Variants in FGF14 observed in about 807,000 individuals in gnomAD.
FGF14 encodes the protein fibroblast growth factor homologous factor 4.
A neutral mutation model predicts 25.5 loss-of-function variants in FGF14; 5 were observed. The observed-to-expected ratio is 0.20, with a 90% confidence interval of 0.10 to 0.41. The LOEUF (loss-of-function observed/expected upper bound fraction) is 0.41, where lower values mean the gene tolerates loss of function less well. FGF14 is among the 10% of genes least tolerant of loss of function. The pLI, the probability that FGF14 is intolerant of heterozygous loss-of-function variation, is 1.00. For missense variants in FGF14, 222 were observed against 320.1 expected, an observed-to-expected ratio of 0.69 and a Z score of 2.34; for synonymous variants, 138 against 118.3, an observed-to-expected ratio of 1.17 and a Z score of -1.08.
At chr13:101,822,092 G>A (rs1351370944) in intron 3 of FGF14, among the ~76,000 whole-genome samples, 1 of 152,090 alleles carries the variant, frequency 6.6e-6, no homozygotes, top group Non-Finnish European at 1.5e-5. Flanking sequence ...TCTGATCATT[G>A]AGATAGTCAT....
intron 1 of FGF14, among the ~76,000 whole-genome samples, chr13:102,153,733 C>T (rs748729132): frequency 2.0e-5 from 3 of 152,120 alleles, no homozygotes; most frequent in Admixed American, 6.5e-5. Context: ...CTCTGGTAAC[C>T]ACCATTCTAC....
At chr13:102,094,664 T>C (rs1239879921) in intron 1 of FGF14, among the ~76,000 whole-genome samples, 1 of 152,118 alleles carries the variant, frequency 6.6e-6, no homozygotes, top group Non-Finnish European at 1.5e-5. Context: ...CTCCCAAGCC[T>C]TGAAGGGAAA....
At chr13:102,178,307 A>G (rs2048528464) in intron 1 of FGF14, among the ~76,000 whole-genome samples, 1 of 152,138 alleles carries the variant, frequency 6.6e-6, no homozygotes, top group Admixed American at 6.5e-5. Flanking sequence ...ATGGCTACTA[A>G]AAACTGACTT....
At chr13:101,738,614 C>A (rs367899790) in intron 3 of FGF14, among the ~76,000 whole-genome samples, 10 of 152,062 alleles carry the variant, frequency 6.6e-5, no homozygotes, top group African/African-American at 1.4e-4. Flanking sequence ...GAAAGAGAGA[C>A]CCTGAGGAGG....
exon 1 of FGF14, chr13:102,401,717 T>G (rs200710497): frequency 2.4e-5 from 37 of 1,553,112 alleles, no homozygotes; most frequent in Non-Finnish European, 3.1e-5. Context: ...TCCCAGTTTT[T>G]TCCCCTCACG....
intron 1 of FGF14, among the ~76,000 whole-genome samples, chr13:102,130,270 A>G (rs1479553401): frequency 3.3e-5 from 5 of 152,202 alleles, no homozygotes; most frequent in Non-Finnish European, 7.3e-5. Context: ...TCACTGATCA[A>G]TAGTCAAGGC....
chr13:101,817,958 CA>C (rs2041924289), intron 3 of FGF14, among the ~76,000 whole-genome samples: 1 of 152,136 alleles, frequency 6.6e-6, no homozygotes, highest in Non-Finnish European at 1.5e-5. Flanking sequence ...GCAATCTAAA[CA>C]AATTGTATGC....
chr13:101,774,347 C>G (rs1887698), intron 3 of FGF14, among the ~76,000 whole-genome samples: 62,431 of 151,984 alleles, frequency 0.41, 14,436 homozygotes, highest in Non-Finnish European at 0.52. Context: ...GTAATTTTCT[C>G]TCTACCCTTG....
chr13:102,243,658 T>TTG (rs1375450802), intron 1 of FGF14, among the ~76,000 whole-genome samples: 2 of 150,694 alleles, frequency 1.3e-5, no homozygotes, highest in Admixed American at 6.6e-5. Flanking sequence ...TGGGCATGTT[T>TTG]TTTTTTTTTT....
At chr13:101,990,417 T>G (rs1339546316) in intron 1 of FGF14, among the ~76,000 whole-genome samples, 1 of 146,382 alleles carries the variant, frequency 6.8e-6, no homozygotes, top group East Asian at 2.1e-4. Context: ...TTTTAAATAC[T>G]TTAGAATGGG....
chr13:102,229,820 G>T (rs1220678510), intron 1 of FGF14, among the ~76,000 whole-genome samples: 1 of 152,190 alleles, frequency 6.6e-6, no homozygotes, highest in Non-Finnish European at 1.5e-5. Context: ...AAATTTTCCA[G>T]ATTAACTCTG....
At chr13:102,181,467 T>C (rs190910316) in intron 1 of FGF14, among the ~76,000 whole-genome samples, 109 of 152,260 alleles carry the variant, frequency 7.2e-4, no homozygotes, top group Admixed American at 6.5e-3. Flanking sequence ...TGTTATCAAG[T>C]TAAGATGAGG....
At chr13:101,874,839 T>A (rs778161898) in intron 2 of FGF14, among the ~76,000 whole-genome samples, 6 of 152,032 alleles carry the variant, frequency 3.9e-5, no homozygotes, top group Non-Finnish European at 5.9e-5. Flanking sequence ...AAATAATACA[T>A]CCAAAGAAAA....
intron 1 of FGF14, among the ~76,000 whole-genome samples, chr13:102,387,933 T>A (rs1161717914): frequency 6.6e-6 from 1 of 152,188 alleles, no homozygotes; most frequent in Non-Finnish European, 1.5e-5. Context: ...TTTCACCACG[T>A]TGGCCAGGAT....
chr13:101,832,312 CT>C (rs2042710594), intron 3 of FGF14, among the ~76,000 whole-genome samples: 1 of 152,042 alleles, frequency 6.6e-6, no homozygotes, highest in Admixed American at 6.6e-5. Context: ...TGAAACTGAT[CT>C]CTGACCTCTG....
At chr13:102,397,597 C>A (rs2058615171) in intron 1 of FGF14, among the ~76,000 whole-genome samples, 1 of 152,118 alleles carries the variant, frequency 6.6e-6, no homozygotes, top group Admixed American at 6.5e-5. Flanking sequence ...TTGGGGATAT[C>A]CTGTGTGTGG....
chr13:101,716,530 G>A lies in FGF14; in HGVS notation c.*6301C>T, dbSNP rs1359423283. On this transcript the variant is annotated 3_prime_UTR_variant, in exon 5 of 5. Transcript: ENST00000376143. ...CTATTTTAGGTTTCTAGAAATAAGG[G>A]ATCACATTTTTAAAACTGGGCAGGG... The A allele has an allele frequency of 6.6e-6, 1 of 152,070 alleles. No homozygotes were observed. The highest frequency in any genetic ancestry group is 1.5e-5 in the Non-Finnish European group (1 of 68,012). The allele number at this position is 152,070 out of a possible 1,614,324, so 9.4% of individuals were successfully genotyped here.
chr13:101,905,241 A>T (rs2032090548), intron 1 of FGF14, among the ~76,000 whole-genome samples: 1 of 152,176 alleles, frequency 6.6e-6, no homozygotes, highest in Non-Finnish European at 1.5e-5. Context: ...TACTATAAAG[A>T]CACACGCACA....
chr13:102,127,912 A>G (rs1034830784), intron 1 of FGF14, among the ~76,000 whole-genome samples: 3 of 152,254 alleles, frequency 2.0e-5, no homozygotes, highest in African/African-American at 7.2e-5. Flanking sequence ...AAATGACAGC[A>G]CAAGTGAGCA....
Sources: allele counts gnomAD v4.1 joint callset (sites outside exome capture counted in the v4.1 genomes callset), GRCh38; gene constraint gnomAD v4.1.1; transcripts MANE v1.5; gene names NCBI Gene and HGNC (gene_info 2026-07-23, HGNC 2026-07-21).